Variants in RIC8B observed in about 807,000 individuals in gnomAD.
RIC8B encodes the protein chaperone Ric-8B.
In RIC8B, 16 loss-of-function variants were observed where a neutral mutation model predicts 57.5. That is an observed-to-expected ratio of 0.28 (90% CI 0.19 to 0.42). The LOEUF (loss-of-function observed/expected upper bound fraction) is 0.42. Among genes scored for constraint, RIC8B ranks in the 10% least tolerant of loss-of-function variants. RIC8B has a pLI of 1.00. For synonymous variants in RIC8B, 216 were observed against 250.8 expected (o/e 0.86, Z 1.31); for missense variants, 481 against 677.0 (o/e 0.71, Z 3.21).
At chr12:106,783,159 AT>A (rs1299865935) in intron 1 of RIC8B, among the ~76,000 whole-genome samples, 3 of 151,982 alleles carry the variant, frequency 2.0e-5, no homozygotes, top group Non-Finnish European at 4.4e-5. Context: ...CTTTCCAGTT[AT>A]TTTTTCCTCA....
chr12:106,869,984 A>G (rs1034664277), intron 8 of RIC8B, among the ~76,000 whole-genome samples: 1 of 152,242 alleles, frequency 6.6e-6, no homozygotes, highest in East Asian at 1.9e-4. Context: ...TGGCTGGTAC[A>G]AGATACTGTG....
intron 4 of RIC8B, 111 bp from the exon 5 acceptor site, chr12:106,842,478 G>T (rs568370832): frequency 1.2e-6 from 1 of 821,716 alleles, no homozygotes; most frequent in African/African-American, 1.7e-5. Context: ...TTTTGGAAAA[G>T]AAATATTTTA....
chr12:106,778,470 T>A (rs73200035), intron 1 of RIC8B, among the ~76,000 whole-genome samples: 4,091 of 152,318 alleles, frequency 0.027, 82 homozygotes, highest in Non-Finnish European at 0.045. Context: ...AGCAGTTGTT[T>A]TTCTCTCCTC....
intron 8 of RIC8B, among the ~76,000 whole-genome samples, chr12:106,862,576 C>T (rs972923786): frequency 6.6e-6 from 1 of 152,238 alleles, no homozygotes. Context: ...GGATTGCTTA[C>T]TCCCCTACAC....
At chr12:106,803,144 C>G (rs756321207) in intron 2 of RIC8B, among the ~76,000 whole-genome samples, 1 of 134,872 alleles carries the variant, frequency 7.4e-6, no homozygotes, top group Non-Finnish European at 1.5e-5. Flanking sequence ...CCCCGGAGTT[C>G]GAAGTTACAG....
intron 4 of RIC8B, 124 bp downstream of exon 4, chr12:106,825,944 G>T: frequency 1.5e-6 from 1 of 647,946 alleles, no homozygotes; most frequent in South Asian, 1.8e-5. Context: ...CAGGTAACTG[G>T]TAGGTCAGAA....
chr12:106,774,779 G>A lies in RIC8B; in HGVS notation c.34G>A (p.Ala12Thr), dbSNP rs2043359063. 6.4e-7 allele frequency: 1 copy of A among 1,553,310 alleles called. No homozygotes were observed. The highest frequency in any genetic ancestry group is 8.7e-7 in the Non-Finnish European group (1 of 1,147,820). ...GGAGCGCGCCCTCTACATCGTCCGGGCCGGCGAAGCAGGGGCTATCGAGCG... is the reference window on the plus strand; with the variant it reads ...GGAGCGCGCCCTCTACATCGTCCGGACCGGCGAAGCAGGGGCTATCGAGCG... Reference protein sequence around the residue: ...DEERALYIVRAGEAGAIERVL... With the variant: ...DEERALYIVRTGEAGAIERVL... Residue 12 changes from alanine (A) to threonine (T), a missense_variant, in exon 1 of 10, where the codon GCC becomes ACC. By Grantham distance (58) the Ala-to-Thr change is moderately conservative. This residue lies in a region of RIC8B where 421 missense variants were observed against 560.9 expected (regional missense o/e 0.75). Transcript: ENST00000392837.
intron 6 of RIC8B, among the ~76,000 whole-genome samples, 166 bp from the exon 7 acceptor site, chr12:106,851,284 T>G (rs570166292): frequency 6.6e-6 from 1 of 152,078 alleles, no homozygotes; most frequent in South Asian, 2.1e-4. Flanking sequence ...GAGGTCTGGT[T>G]TTTGTTGTTT....
intron 2 of RIC8B, among the ~76,000 whole-genome samples, chr12:106,804,327 GC>G (rs2136240282): frequency 6.6e-6 from 1 of 151,558 alleles, no homozygotes; most frequent in Admixed American, 6.6e-5. Context: ...CGATTCTCCT[GC>G]CCCAGCCTCA....
chr12:106,786,847 A>C (rs2136178645), intron 2 of RIC8B, among the ~76,000 whole-genome samples: 1 of 152,278 alleles, frequency 6.6e-6, no homozygotes, highest in African/African-American at 2.4e-5. Context: ...AACTCATGAT[A>C]AGTATTCAGG....
In RIC8B at chr12:106,849,550, A is replaced by T. The variant is rs567402257; in HGVS notation, c.1162-1900A>T. On this transcript the variant is annotated intron_variant, in intron 6 of 9. Transcript: ENST00000392837. ...AGAAAAAAGAAACAAGGAATCAGTT[A>T]TGGGTCCCACCAAGACTTAACTGAA... Among the ~76,000 whole-genome samples the T allele has an allele frequency of 4.6e-5, 7 of 152,084 alleles. No individual in the cohort carries two copies. In the Middle Eastern group the frequency reaches 0.014, roughly 296 times the overall value.
rs559629542 is a variant in RIC8B, at chr12:106,784,448, C to A, written c.132+404C>A. Among the ~76,000 whole-genome samples, 7 of 152,266 alleles carry A rather than the reference C, an allele frequency of 4.6e-5. No individual in the cohort carries two copies. In the East Asian group the frequency reaches 1.3e-3, roughly 29 times the overall value. On this transcript the variant is annotated intron_variant, in intron 2 of 9. Transcript: ENST00000392837. ...TGGAGTGCAGTGGCTCACTGTAACC[C>A]CAGACTCCTGGGCTCAGGCAGTCCT...
At chr12:106,850,961 AT>A (rs1334366736) in intron 6 of RIC8B, among the ~76,000 whole-genome samples, 3 of 152,130 alleles carry the variant, frequency 2.0e-5, no homozygotes, top group African/African-American at 7.2e-5. Context: ...ATATTTCAAA[AT>A]CCCCCCAAAA....
intron 2 of RIC8B, among the ~76,000 whole-genome samples, chr12:106,789,360 C>A (rs2044169362): frequency 6.6e-6 from 1 of 152,156 alleles, no homozygotes; most frequent in Admixed American, 6.5e-5. Flanking sequence ...ATACCTAGTT[C>A]CAAAGTTGCT....
At chr12:106,787,614 G>C (rs150359161) in intron 2 of RIC8B, among the ~76,000 whole-genome samples, 4 of 152,214 alleles carry the variant, frequency 2.6e-5, no homozygotes, top group African/African-American at 9.6e-5. Context: ...ATGGTGGGAG[G>C]TGAAAGGCCC....
intron 1 of RIC8B, among the ~76,000 whole-genome samples, chr12:106,782,545 G>C (rs368914520): frequency 1.3e-5 from 2 of 152,100 alleles, no homozygotes; most frequent in South Asian, 4.1e-4. Flanking sequence ...GTCTTCCCCT[G>C]GTTGCCTGTC....
At chr12:106,796,220 A>G in intron 2 of RIC8B, among the ~76,000 whole-genome samples, 1 of 152,178 alleles carries the variant, frequency 6.6e-6, no homozygotes, top group South Asian at 2.1e-4. Flanking sequence ...ACAAACTCAG[A>G]GGATTCACAA....
intron 3 of RIC8B, among the ~76,000 whole-genome samples, chr12:106,815,816 A>G (rs118041091): frequency 2.0e-5 from 3 of 152,320 alleles, no homozygotes; most frequent in South Asian, 4.1e-4. Context: ...TTAGATAACT[A>G]TCAGAGGCAT....
At position 106,879,469 on chromosome 12, in the gene RIC8B, G is replaced by A; in HGVS notation, c.1572-6435G>A. ...GGTGCTGAGAAGTCATATAAGCCCAGGCATCCTAGAGTATACCATACTTAC... is the reference window on the plus strand; with the variant it reads ...GGTGCTGAGAAGTCATATAAGCCCAAGCATCCTAGAGTATACCATACTTAC... On this transcript the variant is annotated intron_variant, in intron 9 of 9. Coordinates refer to ENST00000392837, the MANE Select transcript of RIC8B (RefSeq NM_001330145.2). The surrounding 1 kb of genome is among the most constrained non-coding windows in gnomAD (Gnocchi z 4.9). 1 of 985,144 alleles carries A rather than the reference G, an allele frequency of 1.0e-6. No homozygotes were observed. Among genetic ancestry groups the A allele is most frequent in the Non-Finnish European group, 1.2e-6 (1 of 829,886 alleles). The allele number at this position is 985,144 out of a possible 1,614,324, so 61.0% of individuals were successfully genotyped here. A position where few individuals can be genotyped will look rare whatever the true frequency, so the allele number is the denominator to read the frequency against.
Sources: allele counts gnomAD v4.1 joint callset (sites outside exome capture counted in the v4.1 genomes callset), GRCh38; gene constraint gnomAD v4.1.1; regional missense constraint gnomAD v4.1.1; non-coding constraint Gnocchi (gnomAD v3.1); transcripts MANE v1.5; gene names NCBI Gene and HGNC (gene_info 2026-07-23, HGNC 2026-07-21).